Variants in NIBAN1 observed in about 807,000 individuals in gnomAD.
NIBAN1 encodes protein Niban 1.
In NIBAN1, 81 loss-of-function variants were observed where a neutral mutation model predicts 75.1. The observed-to-expected ratio is 1.08, with a 90% CI of 0.90 to 1.30. The LOEUF (loss-of-function observed/expected upper bound fraction) is 1.30. Ranked by LOEUF, NIBAN1 falls within the 50% of genes most tolerant of loss-of-function variation. The probability of loss-of-function intolerance (pLI) is 0.00; values close to 1 mark genes in which losing one functional copy is unlikely to be tolerated. For synonymous variants in NIBAN1, 436 were observed against 424.8 expected (o/e 1.03, Z -0.32); for missense variants, 1,133 against 1,128.1 (o/e 1.00, Z -0.06).
In NIBAN1 at chr1:184,831,878, G is replaced by C. The variant is rs1655008433; in HGVS notation, c.686C>G (p.Ser229Cys). Residue 229 changes from serine to cysteine, a missense_variant, in exon 6 of 14, where the codon TCC becomes TGC. Ser to Cys is a moderately radical substitution (Grantham distance 112, BLOSUM62 -1). Transcript: ENST00000367511. ...FFRQEKGHYGSWEMITGDEIQ... is the reference protein window; with the variant it reads ...FFRQEKGHYGCWEMITGDEIQ... ...TTCATCCCCAGTGATCATTTCCCAG[G>C]AACCATAGTGACCCTTCTCCTGTCG... 2 of 1,613,918 alleles carry C rather than the reference G, an allele frequency of 1.2e-6. No homozygotes were observed. Among genetic ancestry groups the C allele is most frequent in the African/African-American group, 2.7e-5 (2 of 74,880 alleles).
chr1:184,884,534 C>T, intron 5 of NIBAN1, 99 bp downstream of exon 5: 1 of 1,497,406 alleles, frequency 6.7e-7, no homozygotes, highest in Non-Finnish European at 9.0e-7. Flanking sequence ...TCATCTGTGG[C>T]TCTTTCTAAG....
chr1:184,973,244 G>A (rs1009671078), intron 1 of NIBAN1, among the ~76,000 whole-genome samples: 6 of 152,154 alleles, frequency 3.9e-5, no homozygotes, highest in Non-Finnish European at 5.9e-5. Flanking sequence ...AATCAGCTCC[G>A]TTGCTCTTCA....
chr1:184,801,283 C>A (rs148836190), intron 12 of NIBAN1, among the ~76,000 whole-genome samples: 1 of 152,118 alleles, frequency 6.6e-6, no homozygotes, highest in South Asian at 2.1e-4. Context: ...TTCCTTTATA[C>A]CCAACCAAGA....
chr1:184,819,708 G>A (rs982042514), intron 8 of NIBAN1, among the ~76,000 whole-genome samples: 1 of 152,198 alleles, frequency 6.6e-6, no homozygotes, highest in Admixed American at 6.5e-5. Context: ...AGGTCACAGA[G>A]CCTTGTCATA....
intron 1 of NIBAN1, among the ~76,000 whole-genome samples, chr1:184,945,891 C>T (rs1658208973): frequency 6.6e-6 from 1 of 151,838 alleles, no homozygotes; most frequent in African/African-American, 2.4e-5. Flanking sequence ...TGTCCGCAGA[C>T]TATGGACAAT....
chr1:184,804,775 T>G (rs1397904264), intron 11 of NIBAN1, among the ~76,000 whole-genome samples: 2 of 151,856 alleles, frequency 1.3e-5, no homozygotes, highest in Non-Finnish European at 2.9e-5. Context: ...TATTGGTGTT[T>G]TTTTTTTTGT....
chr1:184,866,859 A>G (rs1655971103), intron 5 of NIBAN1, among the ~76,000 whole-genome samples: 1 of 152,202 alleles, frequency 6.6e-6, no homozygotes, highest in Non-Finnish European at 1.5e-5. Context: ...TTAGAACTTC[A>G]CCTAGCAATT....
intron 5 of NIBAN1, among the ~76,000 whole-genome samples, chr1:184,841,605 A>G (rs1655289368): frequency 6.6e-6 from 1 of 152,358 alleles, no homozygotes; most frequent in East Asian, 1.9e-4. Context: ...AAGATCTTCA[A>G]TGGAACAGAG....
chr1:184,921,210 T>A (rs1571575223), intron 1 of NIBAN1, among the ~76,000 whole-genome samples: 1 of 150,560 alleles, frequency 6.6e-6, no homozygotes, highest in Non-Finnish European at 1.5e-5. Flanking sequence ...GGCAGGAGAA[T>A]CACTTGAACC....
At chr1:184,837,348 C>G (rs1655169527) in intron 5 of NIBAN1, among the ~76,000 whole-genome samples, 3 of 152,180 alleles carry the variant, frequency 2.0e-5, no homozygotes, top group Admixed American at 2.0e-4. Flanking sequence ...ATGAGAAGGC[C>G]TAGGGAGACA....
In NIBAN1 at chr1:184,795,799, C is replaced by A. The variant is rs756841114; in HGVS notation, c.1965G>T (p.Val655=). The change falls in exon 14 of 14, where the codon GTG becomes GTT. Residue 655 remains valine (V), a synonymous_variant. Coordinates refer to ENST00000367511, the MANE Select transcript of NIBAN1 (RefSeq NM_052966.4). ...PSPPPDGTEQ[V]IISRVDDPVV... ...CGGGGTCATCCACTCTTGAAATAATCACCTGCTCAGTCCCATCTGGGGGTG... is the reference window on the plus strand; with the variant it reads ...CGGGGTCATCCACTCTTGAAATAATAACCTGCTCAGTCCCATCTGGGGGTG... 1 of 1,610,774 alleles carries A rather than the reference C, an allele frequency of 6.2e-7. No homozygotes were observed. Among genetic ancestry groups the A allele is most frequent in the Non-Finnish European group, 8.5e-7 (1 of 1,178,158 alleles).
At chr1:184,833,369 G>A (rs1655048933) in intron 5 of NIBAN1, among the ~76,000 whole-genome samples, 1 of 151,462 alleles carries the variant, frequency 6.6e-6, no homozygotes, top group Non-Finnish European at 1.5e-5. Context: ...ACTATTCACA[G>A]TGAGGATACC....
At chr1:184,808,820 G>C (rs1388991535) in intron 9 of NIBAN1, among the ~76,000 whole-genome samples, 1 of 152,158 alleles carries the variant, frequency 6.6e-6, no homozygotes. Context: ...TATCCAGTTT[G>C]AAGAACTGGG....
chr1:184,883,539 C>T (rs1459647140), intron 5 of NIBAN1, among the ~76,000 whole-genome samples: 4 of 152,190 alleles, frequency 2.6e-5, no homozygotes, highest in African/African-American at 9.7e-5. Flanking sequence ...CAGCATTCAC[C>T]TCAGTATATC....
chr1:184,886,506 A>T (rs554528976), intron 4 of NIBAN1, among the ~76,000 whole-genome samples: 8 of 152,312 alleles, frequency 5.3e-5, no homozygotes, highest in Non-Finnish European at 8.8e-5. Flanking sequence ...AGCCCTAGAC[A>T]ATGGGACTTT....
intron 5 of NIBAN1, among the ~76,000 whole-genome samples, chr1:184,862,920 T>A (rs1273173227): frequency 6.6e-6 from 1 of 152,108 alleles, no homozygotes; most frequent in Non-Finnish European, 1.5e-5. Context: ...AGGTGTTTGT[T>A]GTACAGATTA....
chr1:184,897,501 A>T (rs1236643747), intron 2 of NIBAN1, among the ~76,000 whole-genome samples: 3 of 152,014 alleles, frequency 2.0e-5, no homozygotes, highest in African/African-American at 7.2e-5. Flanking sequence ...GGGCCAGTGT[A>T]CTGTTTCTTT....
chr1:184,836,391 C>G (rs1655144014), intron 5 of NIBAN1, among the ~76,000 whole-genome samples: 1 of 152,200 alleles, frequency 6.6e-6, no homozygotes, highest in Non-Finnish European at 1.5e-5. Flanking sequence ...TTAAATTCTT[C>G]ACATCCTTAT....
At chr1:184,810,788 G>A (rs1335509931) in intron 9 of NIBAN1, among the ~76,000 whole-genome samples, 1 of 152,170 alleles carries the variant, frequency 6.6e-6, no homozygotes, top group Admixed American at 6.5e-5. Flanking sequence ...GGGACTGCCC[G>A]ATTTGCGAAT....
Sources: gnomAD v4.1 joint callset for allele counts (sites outside exome capture counted in the v4.1 genomes callset) on GRCh38, gnomAD v4.1.1 for gene constraint, MANE v1.5 for transcripts, NCBI Gene and HGNC (gene_info 2026-07-23, HGNC 2026-07-21) for gene names.